The following ERGIC2 variants were observed in gnomAD, a reference collection of about 807,000 sequenced individuals.
The protein encoded by ERGIC2 is endoplasmic reticulum-Golgi intermediate compartment protein 2.
In ERGIC2, 31 loss-of-function variants were observed where a neutral mutation model predicts 52.5. That is an observed-to-expected ratio of 0.59 (90% CI 0.44 to 0.80). The LOEUF is 0.80. Ranked by LOEUF, ERGIC2 falls within the 30% of genes least tolerant of loss-of-function variation. ERGIC2 has a pLI of 0.00. For synonymous variants in ERGIC2, 129 were observed against 140.6 expected, an observed-to-expected ratio of 0.92 and a Z score of 0.58; for missense variants, 395 against 455.2, an observed-to-expected ratio of 0.87 and a Z score of 1.20.
intron 1 of ERGIC2, among the ~76,000 whole-genome samples, chr12:29,380,057 TAAAA>T (rs60844553): frequency 3.1e-4 from 46 of 148,966 alleles, no homozygotes; most frequent in African/African-American, 5.2e-4. Context: ...CACCATCATT[TAAAA>T]AAAAAAAAAA....
rs1221401604 is a variant in ERGIC2, at chr12:29,341,006, GT to G, written c.*149del. ...CAACGTATATAGAATTTCAGTTTGG[GT>G]TTTTTTATCCTTTTTTTTCTTTTTT... On this transcript the variant is annotated 3_prime_UTR_variant, in exon 14 of 14. Transcript: ENST00000360150. 12 of 674,260 alleles carry G rather than the reference GT, an allele frequency of 1.8e-5. No homozygotes were observed. In the African/African-American group the frequency reaches 1.9e-4, roughly 10 times the overall value. The allele number at this position is 674,260 out of a possible 1,614,324, so 41.8% of individuals were successfully genotyped here.
chr12:29,380,415 C>T (rs573346247), intron 1 of ERGIC2, among the ~76,000 whole-genome samples: 1 of 152,146 alleles, frequency 6.6e-6, no homozygotes, highest in Admixed American at 6.5e-5. Context: ...GTCTTTAAGT[C>T]TCGGGGGCAC....
intron 10 of ERGIC2, among the ~76,000 whole-genome samples, chr12:29,347,749 A>G (rs1377905936): frequency 6.6e-6 from 1 of 152,178 alleles, no homozygotes; most frequent in Non-Finnish European, 1.5e-5. Flanking sequence ...TTTTGGAAAA[A>G]GAGGCTGAAA....
chr12:29,351,812 A>G (rs974578936), intron 8 of ERGIC2, among the ~76,000 whole-genome samples: 2 of 152,286 alleles, frequency 1.3e-5, no homozygotes, highest in Non-Finnish European at 2.9e-5. Context: ...TTTATGATAA[A>G]ATTCTACAGT....
At chr12:29,361,354 A>T (rs1940284337) in intron 6 of ERGIC2, among the ~76,000 whole-genome samples, 1 of 152,208 alleles carries the variant, frequency 6.6e-6, no homozygotes, top group African/African-American at 2.4e-5. Context: ...ATTCAAATTG[A>T]ATTTTTAAAA....
At chr12:29,368,909 C>G (rs537086217) in intron 3 of ERGIC2, among the ~76,000 whole-genome samples, 2 of 151,856 alleles carry the variant, frequency 1.3e-5, no homozygotes, top group Non-Finnish European at 2.9e-5. Flanking sequence ...TCACCTGATG[C>G]TTAAAATTTT....
At chr12:29,377,571 A>G (rs1041244505) in intron 1 of ERGIC2, among the ~76,000 whole-genome samples, 1 of 152,212 alleles carries the variant, frequency 6.6e-6, no homozygotes, top group African/African-American at 2.4e-5. Flanking sequence ...CTTGTTCAGT[A>G]GGCATGCAAT....
intron 8 of ERGIC2, among the ~76,000 whole-genome samples, chr12:29,351,495 T>C (rs530592423): frequency 6.6e-6 from 1 of 152,302 alleles, no homozygotes; most frequent in South Asian, 2.1e-4. Context: ...CAGCATTGAT[T>C]CCTCAAATAA....
At chr12:29,344,329 C>A (rs1254486273) in intron 11 of ERGIC2, among the ~76,000 whole-genome samples, 2 of 152,154 alleles carry the variant, frequency 1.3e-5, no homozygotes, top group Admixed American at 6.5e-5. Context: ...GCAGATACTG[C>A]TAAACTACCT....
chr12:29,367,961 G>C (rs1389512916), intron 4 of ERGIC2, among the ~76,000 whole-genome samples: 1 of 151,800 alleles, frequency 6.6e-6, no homozygotes, highest in Non-Finnish European at 1.5e-5. Flanking sequence ...AAAAAAGACA[G>C]AAAGGATGTA....
intron 1 of ERGIC2, among the ~76,000 whole-genome samples, chr12:29,373,997 C>G (rs1940479733): frequency 6.6e-6 from 1 of 152,126 alleles, no homozygotes; most frequent in Admixed American, 6.6e-5. Flanking sequence ...TCTACTCTTT[C>G]TGATTTGAGT....
intron 5 of ERGIC2, 127 bp downstream of exon 5, chr12:29,366,750 G>T: frequency 2.0e-6 from 1 of 505,878 alleles, no homozygotes. Context: ...CAAAGAATAT[G>T]GATTACTTTT....
intron 8 of ERGIC2, among the ~76,000 whole-genome samples, chr12:29,353,775 A>G (rs1031380054): frequency 1.3e-5 from 2 of 151,814 alleles, no homozygotes; most frequent in African/African-American, 2.4e-5. Flanking sequence ...AAGTAACAGC[A>G]TAAGTGAGCA....
In ERGIC2 at chr12:29,356,472, T is replaced by A; in HGVS notation, c.482A>T (p.Asp161Val). The A allele has an allele frequency of 6.5e-7, 1 of 1,545,794 alleles. No homozygotes were observed. The highest frequency in any genetic ancestry group is 8.9e-7 in the Non-Finnish European group (1 of 1,118,372). ...TGCATTTGGAGACTGTGATGAATCATCTTCTCTGTTAAAATAAGATATATT... is the reference window on the plus strand; with the variant it reads ...TGCATTTGGAGACTGTGATGAATCAACTTCTCTGTTAAAATAAGATATATT... ...STSTALPPREDDSSQSPNACR... is the reference protein window; with the variant it reads ...STSTALPPREVDSSQSPNACR... Residue 161 changes from aspartate (D) to valine (V), a missense_variant, in exon 8 of 14, where the codon GAT becomes GTT. Asp to Val is a radical substitution (Grantham distance 152, BLOSUM62 -3). Transcript: ENST00000360150.
At chr12:29,353,723 T>TCCC (rs1324376429) in intron 8 of ERGIC2, among the ~76,000 whole-genome samples, 2 of 4,272 alleles carry the variant, frequency 4.7e-4, no homozygotes, top group Non-Finnish European at 1.3e-3. Context: ...TAAATAATAT[T>TCCC]TCCTTCTTTT....
intron 5 of ERGIC2, among the ~76,000 whole-genome samples, 174 bp downstream of exon 5, chr12:29,366,703 T>C (rs1028829931): frequency 7.2e-5 from 11 of 151,878 alleles, no homozygotes; most frequent in African/African-American, 2.2e-4. Context: ...TTTTGGTATA[T>C]AATATAACTT....
At chr12:29,370,919 A>G (rs1299372661) in intron 2 of ERGIC2, among the ~76,000 whole-genome samples, 1 of 152,150 alleles carries the variant, frequency 6.6e-6, no homozygotes, top group Non-Finnish European at 1.5e-5. Flanking sequence ...CACTATTTTC[A>G]TTAACAAAAC....
chr12:29,339,095 C>T lies in ERGIC2; in HGVS notation c.*2061G>A, dbSNP rs1299675433. ...TTTTAATACTTCCATTGCCAAAAATCTGACTCTATTTGAGGAGTTTCAGAT... is the reference window on the plus strand; with the variant it reads ...TTTTAATACTTCCATTGCCAAAAATTTGACTCTATTTGAGGAGTTTCAGAT... On this transcript the variant is annotated 3_prime_UTR_variant, in exon 14 of 14. Coordinates refer to ENST00000360150, the MANE Select transcript of ERGIC2 (RefSeq NM_016570.3). 1 of 152,120 alleles carries T rather than the reference C, an allele frequency of 6.6e-6. No homozygotes were observed. Among genetic ancestry groups the T allele is most frequent in the South Asian group, 2.1e-4 (1 of 4,830 alleles). 9.4% of individuals were successfully genotyped at this position (152,120 alleles called of 1,614,324 possible).
intron 1 of ERGIC2, among the ~76,000 whole-genome samples, chr12:29,374,178 C>G (rs531492841): frequency 7.9e-5 from 12 of 152,286 alleles, no homozygotes; most frequent in African/African-American, 2.9e-4. Flanking sequence ...CACCTCTTAA[C>G]TAAATTTGCT....
Sources: gnomAD v4.1 joint callset for allele counts (sites outside exome capture counted in the v4.1 genomes callset) on GRCh38, gnomAD v4.1.1 for gene constraint, MANE v1.5 for transcripts, NCBI Gene and HGNC (gene_info 2026-07-23, HGNC 2026-07-21) for gene names.